ATOSA: variants seen among roughly 807,000 people sequenced by gnomAD.
ATOSA encodes atos homolog A.
the ATOSA span, among the ~76,000 whole-genome samples, chr15:52,617,767 TTAA>T: frequency 6.4e-3 from 509 of 79,730 alleles, 6 homozygotes; most frequent in South Asian, 0.08. Flanking sequence ...TATTTATTTA[TTAA>T]TAATTTATTA....
the ATOSA span, chr15:52,609,733 C>A: frequency 3.7e-6 from 6 of 1,613,424 alleles, no homozygotes; most frequent in Non-Finnish European, 3.4e-6. Context: ...ATTAAATGGA[C>A]GTCCAGAAAC....
At chr15:52,613,668 C>T in the ATOSA span, 3 of 1,612,896 alleles carry the variant, frequency 1.9e-6, no homozygotes, top group Admixed American at 5.0e-5. Flanking sequence ...ACACAAGATT[C>T]TCACCTGGGC....
chr15:52,700,596 T>C, the ATOSA span, among the ~76,000 whole-genome samples: 1 of 152,220 alleles, frequency 6.6e-6, no homozygotes, highest in Admixed American at 6.5e-5. Flanking sequence ...CTACCCTTCA[T>C]ATTTATCTAG....
chr15:52,586,348 T>C, the ATOSA span: 2 of 152,212 alleles, frequency 1.3e-5, no homozygotes, highest in Non-Finnish European at 2.9e-5. Flanking sequence ...CTTGCAGTAT[T>C]GGAACAATGA....
chr15:52,592,598 C>A, the ATOSA span, among the ~76,000 whole-genome samples: 3 of 152,186 alleles, frequency 2.0e-5, no homozygotes, highest in Non-Finnish European at 2.9e-5. Flanking sequence ...CTGGGCCACA[C>A]TGGTAGAAGA....
the ATOSA span, among the ~76,000 whole-genome samples, chr15:52,618,252 C>A: frequency 6.6e-6 from 1 of 152,038 alleles, no homozygotes; most frequent in African/African-American, 2.4e-5. Flanking sequence ...TGTTAGCCAG[C>A]ATGGTCTCGA....
At chr15:52,623,067 C>A in the ATOSA span, among the ~76,000 whole-genome samples, 1 of 151,750 alleles carries the variant, frequency 6.6e-6, no homozygotes, top group South Asian at 2.1e-4. Context: ...GCTGAGGCAG[C>A]AGGACTGCTT....
At chr15:52,624,761 G>C in the ATOSA span, among the ~76,000 whole-genome samples, 303 of 150,990 alleles carry the variant, frequency 2.0e-3, 1 homozygote, top group Non-Finnish European at 3.8e-3. Context: ...CAGTCTCAAA[G>C]GAATATGTGT....
chr15:52,651,770 T>TA, the ATOSA span: 2,616 of 1,179,046 alleles, frequency 2.2e-3, 39 homozygotes, highest in African/African-American at 0.033. Context: ...ACCTATTTAT[T>TA]AAAAATCCAT....
chr15:52,634,523 AG>A, the ATOSA span, among the ~76,000 whole-genome samples: 17 of 152,236 alleles, frequency 1.1e-4, no homozygotes, highest in African/African-American at 4.1e-4. Context: ...ATTAAAAGGC[AG>A]ACGTTGTGAG....
At chr15:52,689,533 A>G in the ATOSA span, among the ~76,000 whole-genome samples, 2 of 152,208 alleles carry the variant, frequency 1.3e-5, no homozygotes, top group Admixed American at 6.5e-5. Flanking sequence ...AATTGCCTTT[A>G]ATAGTAAGGT....
chr15:52,668,724 C>G, the ATOSA span, among the ~76,000 whole-genome samples: 3 of 152,022 alleles, frequency 2.0e-5, no homozygotes, highest in East Asian at 5.8e-4. Context: ...TTGAAATAAA[C>G]AAAAAGGCTT....
the ATOSA span, among the ~76,000 whole-genome samples, chr15:52,638,167 T>C: frequency 6.6e-6 from 1 of 152,182 alleles, no homozygotes; most frequent in East Asian, 1.9e-4. Flanking sequence ...GTGAAAGAAA[T>C]CTCTCAAGGA....
At chr15:52,630,254 G>C in the ATOSA span, among the ~76,000 whole-genome samples, 1 of 152,106 alleles carries the variant, frequency 6.6e-6, no homozygotes, top group Non-Finnish European at 1.5e-5. Context: ...AAAGTTCAGA[G>C]TTACTTGTCT....
chr15:52,660,537 C>T, the ATOSA span, among the ~76,000 whole-genome samples: 1 of 152,138 alleles, frequency 6.6e-6, no homozygotes. Context: ...TCTTAGCCTT[C>T]GTATATTTCC....
chr15:52,619,383 T>A, the ATOSA span, among the ~76,000 whole-genome samples: 2 of 152,282 alleles, frequency 1.3e-5, no homozygotes, highest in Admixed American at 6.5e-5. Context: ...CTAAAGAGAA[T>A]TCAATAGATC....
chr15:52,588,355 T>C, the ATOSA span, among the ~76,000 whole-genome samples: 2,902 of 152,300 alleles, frequency 0.019, 97 homozygotes, highest in African/African-American at 0.067. Flanking sequence ...TCAAATTGAA[T>C]GTGTAAAAGT....
the ATOSA span, among the ~76,000 whole-genome samples, chr15:52,701,407 C>G: frequency 6.6e-6 from 1 of 152,120 alleles, no homozygotes. Context: ...CCACTGCACT[C>G]CAGCATGGGC....
At chr15:52,656,188 T>A in the ATOSA span, 1 of 152,118 alleles carries the variant, frequency 6.6e-6, no homozygotes, top group African/African-American at 2.4e-5. Context: ...AGCTGAATAA[T>A]TTGTAATGAA....
Sources: gnomAD v4.1 joint callset for allele counts (sites outside exome capture counted in the v4.1 genomes callset) on GRCh38, gnomAD v4.1.1 for gene constraint, MANE v1.5 for transcripts, NCBI Gene and HGNC (gene_info 2026-07-23, HGNC 2026-07-21) for gene names.